Variants in ZBTB25 observed in about 807,000 individuals in gnomAD.
ZBTB25 encodes zinc finger and BTB domain containing 25, also known as zinc finger and BTB domain-containing protein 25.
A neutral mutation model predicts 34.2 loss-of-function variants in ZBTB25; 20 were observed. The observed-to-expected ratio is 0.58, with a 90% confidence interval of 0.41 to 0.85. The LOEUF is 0.85. Ranked by LOEUF, ZBTB25 falls within the 40% of genes least tolerant of loss-of-function variation. The pLI is 0.00. For synonymous variants in ZBTB25, 175 were observed against 186.4 expected (o/e 0.94, Z 0.50); for missense variants, 437 against 521.8 (o/e 0.84, Z 1.58).
At chr14:64,491,239 G>C (rs530773891) in intron 1 of ZBTB25, among the ~76,000 whole-genome samples, 5 of 152,350 alleles carry the variant, frequency 3.3e-5, no homozygotes, top group African/African-American at 9.6e-5. Flanking sequence ...GATGAGGCAG[G>C]AGGGTTGCTT....
chr14:64,498,328 C>CA (rs1353664097), intron 1 of ZBTB25, among the ~76,000 whole-genome samples: 1 of 147,464 alleles, frequency 6.8e-6, no homozygotes, highest in Non-Finnish European at 1.5e-5. Flanking sequence ...TTTTTTGAGA[C>CA]AGAGTCTCGC....
chr14:64,502,070 A>T (rs1254049302), intron 1 of ZBTB25, among the ~76,000 whole-genome samples: 1 of 152,214 alleles, frequency 6.6e-6, no homozygotes, highest in East Asian at 1.9e-4. Context: ...CTGTTTCCTC[A>T]GGCTTGTAAC....
Position 64,485,486 on chromosome 14 carries a change from G to A in ZBTB25, c.*1437C>T. 1 of 985,308 alleles carries A rather than the reference G, an allele frequency of 1.0e-6. No homozygotes were observed. Among genetic ancestry groups the A allele is most frequent in the Non-Finnish European group, 1.2e-6 (1 of 829,840 alleles). The allele number at this position is 985,308 out of a possible 1,614,324, so 61.0% of individuals were successfully genotyped here. ...TAACCAGCTATTTCCCAGGTATATA[G>A]AGCCGGGGAATCTGTTATTTCTTTC... On this transcript the variant is annotated 3_prime_UTR_variant, in exon 3 of 3. Transcript: ENST00000608382.
At chr14:64,457,459 CTTTT>C (rs35789478) in intron 2 of ZBTB25, among the ~76,000 whole-genome samples, 1 of 143,194 alleles carries the variant, frequency 7.0e-6, no homozygotes, top group African/African-American at 2.6e-5. Flanking sequence ...TTTTCTTTTC[CTTTT>C]TTTTTTTTTT....
intron 2 of ZBTB25, chr14:64,453,880 T>C: frequency 2.0e-6 from 3 of 1,494,292 alleles, no homozygotes; most frequent in Non-Finnish European, 2.8e-6. Context: ...TTGGTTAGTT[T>C]GTCCTTTCAA....
intron 2 of ZBTB25, chr14:64,469,534 T>C: frequency 1.2e-6 from 2 of 1,613,974 alleles, no homozygotes; most frequent in South Asian, 2.2e-5. Context: ...ATAATGGTTT[T>C]GAGGATAGAA....
At chr14:64,449,782 T>G in intron 2 of ZBTB25, 1 of 822,944 alleles carries the variant, frequency 1.2e-6, no homozygotes, top group Non-Finnish European at 2.0e-6. Context: ...GACTCCCAGC[T>G]GTAGACAGCC....
At chr14:64,457,304 A>C (rs2078490694) in intron 2 of ZBTB25, among the ~76,000 whole-genome samples, 1 of 152,212 alleles carries the variant, frequency 6.6e-6, no homozygotes, top group Non-Finnish European at 1.5e-5. Flanking sequence ...TGAGCTGAGG[A>C]GGCGAGTGAG....
chr14:64,452,001 T>C (rs746562670), intron 2 of ZBTB25, among the ~76,000 whole-genome samples: 1 of 152,202 alleles, frequency 6.6e-6, no homozygotes, highest in African/African-American at 2.4e-5. Context: ...TTGCTCCTTT[T>C]AAAAACAAAA....
exon 3 of ZBTB25, chr14:64,449,602 C>T: frequency 6.2e-7 from 1 of 1,614,142 alleles, no homozygotes; most frequent in Non-Finnish European, 8.5e-7. Flanking sequence ...CAGCAGCTTC[C>T]AGCTCCTTTA....
intron 2 of ZBTB25, chr14:64,469,091 A>G (rs866951692): frequency 2.5e-6 from 4 of 1,614,002 alleles, no homozygotes; most frequent in Non-Finnish European, 2.5e-6. Flanking sequence ...CCTTGAAGAA[A>G]TTGAAACGAT....
intron 2 of ZBTB25, chr14:64,469,111 A>T: frequency 6.2e-7 from 1 of 1,614,086 alleles, no homozygotes; most frequent in Non-Finnish European, 8.5e-7. Context: ...TCAAGGAAAA[A>T]CAAGATGTTC....
At chr14:64,459,833 T>C (rs917669759) in intron 2 of ZBTB25, 1 of 1,535,970 alleles carries the variant, frequency 6.5e-7, no homozygotes, top group Non-Finnish European at 8.7e-7. Flanking sequence ...AGTTAGGAAG[T>C]ATAAGTAAGC....
chr14:64,453,851 A>G, intron 2 of ZBTB25: 1 of 1,601,322 alleles, frequency 6.2e-7, no homozygotes, highest in Non-Finnish European at 8.6e-7. Context: ...GCTGAAGTCT[A>G]CACGAAGCAG....
At chr14:64,472,333 A>T (rs550397356) in intron 2 of ZBTB25, 1 of 167,176 alleles carries the variant, frequency 6.0e-6, no homozygotes, top group African/African-American at 2.4e-5. Context: ...TGCATTGTAA[A>T]TGTTTAGTAA....
Position 64,490,069 on chromosome 14 carries a change from G to A in ZBTB25, c.173+292C>T, listed in dbSNP as rs576609013. On this transcript the variant is annotated intron_variant, in intron 2 of 2. Coordinates refer to ENST00000608382, the MANE Select transcript of ZBTB25 (RefSeq NM_006977.5). ...CTAAAAATACAAAAATTAACCGGGC[G>A]TGGTGGCAGGCGCCTGTAATCCCAG... 4.4e-3 allele frequency among the ~76,000 whole-genome samples: 655 copies of A among 149,990 alleles called. 5 individuals are homozygous for A. Among genetic ancestry groups the A allele is most frequent in the Non-Finnish European group, 7.4e-3 (497 of 67,440 alleles).
chr14:64,486,883 C>G lies in ZBTB25; in HGVS notation c.*40G>C. The G allele has an allele frequency of 6.6e-7, 1 of 1,522,090 alleles. No individual in the cohort carries two copies. Among genetic ancestry groups the G allele is most frequent in the South Asian group, 1.3e-5 (1 of 76,154 alleles). The allele number at this position is 1,522,090 out of a possible 1,614,324, so 94.3% of individuals were successfully genotyped here. ...GAATTAAAAATGCCACGCAAATTTT[C>G]TTTTTCAGAATTGGTATAAAAATTC... On this transcript the variant is annotated 3_prime_UTR_variant, in exon 3 of 3. Transcript: ENST00000608382.
At chr14:64,454,800 T>C (rs1209490227) in intron 2 of ZBTB25, 4 of 1,614,210 alleles carry the variant, frequency 2.5e-6, no homozygotes, top group African/African-American at 1.3e-5. Context: ...AAGGTGTCCC[T>C]ACAGGCTTCA....
intron 2 of ZBTB25, among the ~76,000 whole-genome samples, chr14:64,465,211 T>C (rs1566585302): frequency 6.6e-6 from 1 of 151,572 alleles, no homozygotes. Flanking sequence ...ATTGCCCTGG[T>C]CCCCCCCGCC....
Sources: gnomAD v4.1 joint callset for allele counts (sites outside exome capture counted in the v4.1 genomes callset) on GRCh38, gnomAD v4.1.1 for gene constraint, MANE v1.5 for transcripts, NCBI Gene and HGNC (gene_info 2026-07-23, HGNC 2026-07-21) for gene names.